CA5A: variants seen among roughly 807,000 people sequenced by gnomAD.
CA5A encodes the protein carbonic anhydrase 5A.
CA5A carries 28 observed loss-of-function variants against 37.1 expected under a neutral mutation model. The observed-to-expected ratio is 0.75, with a 90% CI of 0.56 to 1.03. The LOEUF is 1.03. Among genes scored for constraint, CA5A ranks in the 50% least tolerant of loss-of-function variants. The probability of loss-of-function intolerance (pLI) is 0.00; values close to 1 mark genes in which losing one functional copy is unlikely to be tolerated. For synonymous variants in CA5A, 171 were observed against 158.4 expected (o/e 1.08, Z -0.60); for missense variants, 444 against 399.9 (o/e 1.11, Z -0.94).
intron 2 of CA5A, among the ~76,000 whole-genome samples, chr16:87,912,968 T>C (rs1597568036): frequency 1.3e-5 from 2 of 150,124 alleles, no homozygotes; most frequent in Non-Finnish European, 3.0e-5. Context: ...AGTGGGGCCT[T>C]CGCCAACAAA....
chr16:87,888,919 A>ATTT (rs56196809), intron 6 of CA5A, among the ~76,000 whole-genome samples: 4 of 136,134 alleles, frequency 2.9e-5, no homozygotes, highest in African/African-American at 5.5e-5. Context: ...CGCCCGGCTA[A>ATTT]TTTTTTTTTT....
chr16:87,936,116 G>A, intron 1 of CA5A, among the ~76,000 whole-genome samples, 193 bp downstream of exon 1: 1 of 150,302 alleles, frequency 6.7e-6, no homozygotes, highest in African/African-American at 2.5e-5. Flanking sequence ...AGGTTGTGGT[G>A]AGCTGAGATC....
At chr16:87,917,168 A>G (rs926216813) in intron 2 of CA5A, among the ~76,000 whole-genome samples, 9 of 152,100 alleles carry the variant, frequency 5.9e-5, no homozygotes, top group African/African-American at 2.2e-4. Context: ...TCTGGATCCA[A>G]ATGATAACAA....
rs533192971 is a variant in CA5A, at chr16:87,920,620, C to CTTATT, written c.340+6123_340+6127dup. Among the ~76,000 whole-genome samples, 823 of 150,112 alleles carry CTTATT rather than the reference C, an allele frequency of 5.5e-3. 6 individuals carry two copies. Among genetic ancestry groups the CTTATT allele is most frequent in the African/African-American group, 0.019 (780 of 40,894 alleles). On this transcript the variant is annotated intron_variant, in intron 2 of 6. Transcript: ENST00000649794. Reference sequence around the variant, plus strand: ...CTACTGCGCCTGGCCAATTTAGTCACTTATTTTATTTTTTTGAAACTAAAT... The same window carrying CTTATT: ...CTACTGCGCCTGGCCAATTTAGTCACTTATTTTATTTTATTTTTTTGAAACTAAAT...
At chr16:87,917,159 C>T (rs8049869) in intron 2 of CA5A, among the ~76,000 whole-genome samples, 101,094 of 150,480 alleles carry the variant, frequency 0.67, 35,356 homozygotes, top group African/African-American at 0.86. Context: ...AAATGGGCTT[C>T]TGGATCCAAA....
intron 2 of CA5A, among the ~76,000 whole-genome samples, 190 bp from the exon 3 acceptor site, chr16:87,905,094 C>T (rs8051832): frequency 1.3e-5 from 2 of 151,724 alleles, no homozygotes; most frequent in Non-Finnish European, 2.9e-5. Context: ...TCTGCCCCCC[C>T]CCAGCCCAGC....
At chr16:87,902,302 C>A in intron 4 of CA5A, 123 bp downstream of exon 4, 2 of 667,362 alleles carry the variant, frequency 3.0e-6, no homozygotes, top group South Asian at 1.8e-5. Context: ...TGCAATGAGC[C>A]GAGACTGTGC....
At chr16:87,917,199 ATT>A (rs1223808643) in intron 2 of CA5A, among the ~76,000 whole-genome samples, 1 of 152,094 alleles carries the variant, frequency 6.6e-6, no homozygotes, top group Non-Finnish European at 1.5e-5. Flanking sequence ...ACTGCCTGAC[ATT>A]TTGTCCAACA....
chr16:87,917,725 A>G lies in CA5A; in HGVS notation c.340+9023T>C, dbSNP rs1041781326. ...CACGAACACACACATGAACACGTGC[A>G]CACACACATGAACACACATGCACAC... On this transcript the variant is annotated intron_variant, in intron 2 of 6. Transcript: ENST00000649794. 8.1e-4 allele frequency among the ~76,000 whole-genome samples: 47 copies of G among 58,252 alleles called. 1 individual carries two copies. The highest frequency in any genetic ancestry group is 3.6e-3 in the African/African-American group (43 of 11,932). 38.2% of individuals were successfully genotyped at this position (58,252 alleles called of 152,430 possible).
chr16:87,904,886 A>G lies in CA5A; in HGVS notation c.359T>C (p.Leu120Ser). The G allele has an allele frequency of 6.2e-7, 1 of 1,610,832 alleles. No individual in the cohort carries two copies. Among genetic ancestry groups the G allele is most frequent in the Middle Eastern group, 1.7e-4 (1 of 6,052 alleles). Residue 120 changes from leucine (L) to serine (S), a missense_variant, in exon 3 of 7, where the codon TTG (leucine) becomes TCG (serine). Physicochemically the swap from Leu to Ser is moderately radical, Grantham distance 145. Coordinates refer to ENST00000649794, the MANE Select transcript of CA5A (RefSeq NM_001739.2). Reference protein sequence around the residue: ...TEASGISGGPLENHYRLKQFH... With the variant: ...TEASGISGGPSENHYRLKQFH... ...TTGCTTCAGTCTGTAGTGGTTTTCC[A>G]AGGGCCCACCACTAATTCCTGGAAA...
intron 1 of CA5A, among the ~76,000 whole-genome samples, chr16:87,932,225 T>A (rs1185710416): frequency 6.6e-6 from 1 of 152,142 alleles, no homozygotes; most frequent in Non-Finnish European, 1.5e-5. Flanking sequence ...CAGTCCTACC[T>A]GCCGGGCAAG....
At chr16:87,913,708 T>C (rs1231471807) in intron 2 of CA5A, among the ~76,000 whole-genome samples, 3 of 130,236 alleles carry the variant, frequency 2.3e-5, no homozygotes, top group Non-Finnish European at 5.0e-5. Flanking sequence ...TCCCTCCTCC[T>C]CCACCCCACA....
At chr16:87,924,306 TGAG>T (rs1291413556) in intron 2 of CA5A, 1 of 985,320 alleles carries the variant, frequency 1.0e-6, no homozygotes, top group Non-Finnish European at 1.2e-6. Flanking sequence ...TGAATGGCAC[TGAG>T]CATACAGGCA....
chr16:87,913,658 C>A (rs1304521418), intron 2 of CA5A, among the ~76,000 whole-genome samples: 1 of 137,324 alleles, frequency 7.3e-6, no homozygotes, highest in Non-Finnish European at 1.5e-5. Flanking sequence ...CCGTGGCCCC[C>A]CCCTCCTCTC....
chr16:87,890,811 T>C (rs928430386), intron 6 of CA5A, among the ~76,000 whole-genome samples: 1 of 151,540 alleles, frequency 6.6e-6, no homozygotes, highest in Non-Finnish European at 1.5e-5. Context: ...TTTATTTATT[T>C]GAGATGGAGT....
At chr16:87,899,637 C>T (rs2055848948) in intron 5 of CA5A, among the ~76,000 whole-genome samples, 1 of 149,360 alleles carries the variant, frequency 6.7e-6, no homozygotes, top group Non-Finnish European at 1.5e-5. Context: ...AGGTCTAACT[C>T]GGCCAGGTGC....
intron 2 of CA5A, among the ~76,000 whole-genome samples, chr16:87,912,528 G>A (rs568265037): frequency 9.2e-5 from 14 of 152,324 alleles, no homozygotes; most frequent in African/African-American, 1.4e-4. Context: ...TCATTCATCC[G>A]AAAACACCCA....
chr16:87,920,216 G>C (rs988107335), intron 2 of CA5A, among the ~76,000 whole-genome samples: 4 of 152,216 alleles, frequency 2.6e-5, no homozygotes, highest in Non-Finnish European at 5.9e-5. Flanking sequence ...AATTACATTT[G>C]AGCACGCAGT....
At chr16:87,916,546 C>G (rs6540109) in intron 2 of CA5A, among the ~76,000 whole-genome samples, 10,023 of 152,216 alleles carry the variant, frequency 0.066, 986 homozygotes, top group African/African-American at 0.21. Flanking sequence ...CTATCACCTG[C>G]TTTCATTTTC....
Sources: allele counts gnomAD v4.1 joint callset (sites outside exome capture counted in the v4.1 genomes callset), GRCh38; gene constraint gnomAD v4.1.1; transcripts MANE v1.5; gene names NCBI Gene and HGNC (gene_info 2026-07-23, HGNC 2026-07-21).